Variants in NGEF observed in about 807,000 individuals in gnomAD.
NGEF encodes neuronal guanine nucleotide exchange factor, also known as ephexin-1.
A neutral mutation model predicts 80.9 loss-of-function variants in NGEF; 31 were observed. That is an observed-to-expected ratio of 0.38 (90% CI 0.29 to 0.52). The LOEUF is 0.52. NGEF is among the 20% of genes least tolerant of loss of function. The pLI is 0.84. For missense variants in NGEF, 709 were observed against 926.2 expected, an observed-to-expected ratio of 0.77 and a Z score of 3.04; for synonymous variants, 371 against 370.2, an observed-to-expected ratio of 1.00 and a Z score of -0.03.
rs1694263123 is a variant in NGEF, at chr2:232,974,962, G to C, written c.-72C>G. ...ACTTTCCCAAGCTTCACTGGTTTGAGTGCTTTAGAATAGATAGAAAACAAT... is the reference window on the plus strand; with the variant it reads ...ACTTTCCCAAGCTTCACTGGTTTGACTGCTTTAGAATAGATAGAAAACAAT... On this transcript the variant is annotated splice_region_variant and 5_prime_UTR_variant, in exon 2 of 15. Coordinates refer to ENST00000264051, the MANE Select transcript of NGEF (RefSeq NM_019850.3). 6.6e-7 allele frequency: 1 copy of C among 1,510,174 alleles called. No individual in the cohort carries two copies. Among genetic ancestry groups the C allele is most frequent in the Admixed American group, 2.0e-5 (1 of 50,652 alleles). The allele number at this position is 1,510,174 out of a possible 1,614,324, so 93.5% of individuals were successfully genotyped here.
At position 232,974,691 on chromosome 2, in the gene NGEF, C is replaced by T. The variant is rs776864089; in HGVS notation, c.200G>A (p.Arg67His). 1.1e-5 allele frequency: 17 copies of T among 1,614,198 alleles called. No individual in the cohort carries two copies. The highest frequency in any genetic ancestry group is 6.6e-5 in the South Asian group (6 of 91,084). ...IPIKRNSIFN[R>H]SIRRKSKAKA... Reference sequence around the variant, plus strand: ...GGCTTTGCTTTTGCGTCTTATGGAGCGATTGAAGATGGAATTTCTCTTAAT... The same window carrying T: ...GGCTTTGCTTTTGCGTCTTATGGAGTGATTGAAGATGGAATTTCTCTTAAT... The change falls in exon 2 of 15, where the codon CGC (arginine) becomes CAC (histidine). Residue 67 changes from arginine (R) to histidine (H), a missense_variant. Coordinates refer to ENST00000264051, the MANE Select transcript of NGEF (RefSeq NM_019850.3).
chr2:232,961,999 T>C (rs1260128443), intron 3 of NGEF, among the ~76,000 whole-genome samples: 1 of 152,208 alleles, frequency 6.6e-6, no homozygotes, highest in Non-Finnish European at 1.5e-5. Context: ...TTCTTCATTC[T>C]TATAAAGATG....
At chr2:232,932,163 CTTTTTT>C (rs397988249) in intron 3 of NGEF, among the ~76,000 whole-genome samples, 16 of 115,582 alleles carry the variant, frequency 1.4e-4, no homozygotes, top group Middle Eastern at 5.2e-3. Context: ...AATCACCTTT[CTTTTTT>C]TTTTTTTTTT....
At chr2:232,907,859 C>T (rs191508378) in intron 5 of NGEF, among the ~76,000 whole-genome samples, 3 of 152,010 alleles carry the variant, frequency 2.0e-5, no homozygotes, top group African/African-American at 7.3e-5. Context: ...CTGTAATCCC[C>T]GCACTTTGGG....
At chr2:232,938,818 C>T (rs1371343149) in intron 3 of NGEF, among the ~76,000 whole-genome samples, 1 of 149,666 alleles carries the variant, frequency 6.7e-6, no homozygotes, top group East Asian at 2.0e-4. Flanking sequence ...TGAATGAGAT[C>T]AGGAGTTGCC....
chr2:232,987,515 A>T (rs1694557285), intron 1 of NGEF, among the ~76,000 whole-genome samples: 1 of 152,044 alleles, frequency 6.6e-6, no homozygotes, highest in Non-Finnish European at 1.5e-5. Flanking sequence ...TGCAAAGAGG[A>T]AGCTGGCTCC....
At chr2:233,012,602 CTCATTATCAGGACTGGCGTCGTGGGTGT>C (rs1695235600) in intron 1 of NGEF, 2 of 325,072 alleles carry the variant, frequency 6.2e-6, no homozygotes, top group Admixed American at 9.1e-5. Context: ...TACATATACG[CTCATTATCAGGACTGGCGTCGTGGGTGT>C]GGGGCCTGGG....
chr2:232,894,904 G>C lies in NGEF; in HGVS notation c.841C>G (p.Leu281Val), dbSNP rs1435643146. 2 of 1,590,562 alleles carry C rather than the reference G, an allele frequency of 1.3e-6. No homozygotes were observed. Among genetic ancestry groups the C allele is most frequent in the Admixed American group, 1.7e-5 (1 of 59,738 alleles). ...EIKLQEAMFE[L>V]VTSEASYYKS... ...TAGTAGGACGCCTCGGAAGTGACCA[G>C]CTCGAACATGGCCTGTAGCAGGGAG... Residue 281 changes from leucine to valine, a missense_variant, in exon 6 of 15, where the codon CTG becomes GTG. Leu to Val is a conservative substitution (Grantham distance 32). Around this residue, in one of 2 missense-constraint regions of NGEF, gnomAD observed 426 missense variants for 622.9 expected, o/e 0.68. Transcript: ENST00000264051.
chr2:232,881,571 C>T (rs1365820188), intron 13 of NGEF, among the ~76,000 whole-genome samples: 1 of 152,074 alleles, frequency 6.6e-6, no homozygotes. Flanking sequence ...TTAGCAGCTT[C>T]TCCATAAGGC....
chr2:232,906,550 G>A (rs1183333853), intron 5 of NGEF, among the ~76,000 whole-genome samples: 1 of 51,924 alleles, frequency 1.9e-5, no homozygotes, highest in Admixed American at 2.0e-4. Context: ...CCGGTCAGCC[G>A]CCCCGTCCGG....
At chr2:232,894,541 T>C (rs1691993059) in intron 6 of NGEF, 2 of 423,982 alleles carry the variant, frequency 4.7e-6, no homozygotes, top group South Asian at 6.6e-5. Context: ...CAGGTGCTCA[T>C]GGGAAGGGAC....
chr2:232,959,406 A>G (rs2138580), intron 3 of NGEF, among the ~76,000 whole-genome samples: 91,058 of 151,918 alleles, frequency 0.6, 28,012 homozygotes, highest in African/African-American at 0.73. Flanking sequence ...AGCTAGCTTC[A>G]ATAAACACCT....
At chr2:232,900,132 A>G (rs1291938002) in intron 5 of NGEF, among the ~76,000 whole-genome samples, 2 of 90,508 alleles carry the variant, frequency 2.2e-5, no homozygotes, top group African/African-American at 4.4e-5. Context: ...GTTCACTCAC[A>G]TTCTCACACA....
At chr2:232,978,041 A>G (rs2106326000) in intron 1 of NGEF, among the ~76,000 whole-genome samples, 2 of 152,232 alleles carry the variant, frequency 1.3e-5, no homozygotes, top group South Asian at 2.1e-4. Flanking sequence ...GGAATCTCCC[A>G]GGAGAAAAGT....
chr2:232,997,553 C>T (rs189731952), intron 1 of NGEF, among the ~76,000 whole-genome samples: 402 of 152,172 alleles, frequency 2.6e-3, no homozygotes, highest in Non-Finnish European at 4.7e-3. Context: ...AAATATCCAC[C>T]GTAGATTTCT....
intron 1 of NGEF, among the ~76,000 whole-genome samples, chr2:232,993,004 T>TATACAC (rs1553559387): frequency 8.7e-5 from 12 of 138,190 alleles, no homozygotes; most frequent in African/African-American, 3.3e-4. Flanking sequence ...TATATATATA[T>TATACAC]ACACACACAC....
intron 1 of NGEF, among the ~76,000 whole-genome samples, chr2:232,981,779 G>A (rs1002196939): frequency 6.6e-6 from 1 of 152,206 alleles, no homozygotes; most frequent in Non-Finnish European, 1.5e-5. Flanking sequence ...CTCCCGCACA[G>A]CTGGCTCTGC....
Position 232,955,471 on chromosome 2 carries a change from G to C in NGEF, c.383+14743C>G, listed in dbSNP as rs369404270. 3.9e-5 allele frequency among the ~76,000 whole-genome samples: 6 copies of C among 152,264 alleles called. No homozygotes were observed. In the East Asian group the frequency reaches 1.2e-3, roughly 29 times the overall value. On this transcript the variant is annotated intron_variant, in intron 3 of 14. Coordinates refer to ENST00000264051, the MANE Select transcript of NGEF (RefSeq NM_019850.3). Reference sequence around the variant, plus strand: ...ATGGCAGCCTGCTGATCAGCTCTTTGCTGTCCTTAAACTGGGAGCAGTTCT... The same window carrying C: ...ATGGCAGCCTGCTGATCAGCTCTTTCCTGTCCTTAAACTGGGAGCAGTTCT...
At chr2:233,001,302 C>A (rs986885154) in intron 1 of NGEF, among the ~76,000 whole-genome samples, 1 of 152,204 alleles carries the variant, frequency 6.6e-6, no homozygotes, top group Admixed American at 6.5e-5. Context: ...CTCTCATCAC[C>A]CCCAATATAA....
Sources: gnomAD v4.1 joint callset for allele counts (sites outside exome capture counted in the v4.1 genomes callset) on GRCh38, gnomAD v4.1.1 for gene constraint, gnomAD v4.1.1 regional missense constraint, MANE v1.5 for transcripts, NCBI Gene and HGNC (gene_info 2026-07-23, HGNC 2026-07-21) for gene names.